OR3A2: variants seen among roughly 807,000 people sequenced by gnomAD.
OR3A2 encodes the protein olfactory receptor 3A2.
For synonymous variants in OR3A2, 126 were observed against 159.3 expected, an observed-to-expected ratio of 0.79 and a Z score of 1.57; for missense variants, 318 against 392.8, an observed-to-expected ratio of 0.81 and a Z score of 1.61.
upstream of OR3A2, among the ~76,000 whole-genome samples, chr17:3,286,913 C>G (rs938913320): frequency 1.1e-4 from 17 of 152,162 alleles, no homozygotes; most frequent in African/African-American, 4.1e-4. Flanking sequence ...TGCAGAAGCT[C>G]TTTCATTAGA....
chr17:3,377,021 T>A (rs2049690906), intron 2 of OR3A2, among the ~76,000 whole-genome samples: 1 of 152,250 alleles, frequency 6.6e-6, no homozygotes, highest in Non-Finnish European at 1.5e-5. Context: ...AGTGGGGATG[T>A]GGGTTTGGAG....
rs527582754 is a variant in OR3A2 at position 3,333,626 on chromosome 17, C to T, written c.-85+2407G>A. The stretch of plus-strand genomic sequence containing the variant: ...CTTTGTACTCTTTCTCTTTATTTCT[C>T]AGACTGGCCAACACTTAGGGAAAAT... On this transcript the variant is annotated intron_variant, in intron 3 of 4. Coordinates refer to the OR3A2 transcript ENST00000573491. Among the ~76,000 whole-genome samples, 4 of 152,202 alleles carry T rather than the reference C, an allele frequency of 2.6e-5. No individual in the cohort carries two copies. In the South Asian group the frequency reaches 8.3e-4, roughly 32 times the overall value.
intron 3 of OR3A2, among the ~76,000 whole-genome samples, chr17:3,323,411 T>A (rs2049142613): frequency 6.6e-6 from 1 of 152,114 alleles, no homozygotes; most frequent in African/African-American, 2.4e-5. Context: ...TGATGTCAGC[T>A]GGCTATTTTG....
intron 2 of OR3A2, among the ~76,000 whole-genome samples, chr17:3,361,326 G>A (rs1390705304): frequency 1.3e-5 from 2 of 151,486 alleles, no homozygotes; most frequent in Non-Finnish European, 2.9e-5. Flanking sequence ...TGACATGATG[G>A]GGTTTTCTAG....
At chr17:3,301,191 C>A (rs1051105530) in intron 3 of OR3A2, among the ~76,000 whole-genome samples, 5 of 152,064 alleles carry the variant, frequency 3.3e-5, no homozygotes, top group African/African-American at 1.2e-4. Flanking sequence ...ATTTATAATC[C>A]TTTGGGTATA....
intron 3 of OR3A2, among the ~76,000 whole-genome samples, chr17:3,333,889 A>T (rs1016720373): frequency 6.6e-6 from 1 of 152,206 alleles, no homozygotes; most frequent in African/African-American, 2.4e-5. Context: ...GTCTACAAGG[A>T]ACTTAAACAA....
chr17:3,361,452 T>C (rs1355537211), intron 2 of OR3A2, among the ~76,000 whole-genome samples: 1 of 151,666 alleles, frequency 6.6e-6, no homozygotes, highest in Non-Finnish European at 1.5e-5. Flanking sequence ...CAACACTATG[T>C]TGAATAGGAG....
Position 3,322,792 on chromosome 17 carries a change from C to G in OR3A2, c.-85+13241G>C, listed in dbSNP as rs193117072. On this transcript the variant is annotated intron_variant, in intron 3 of 4. Coordinates refer to the OR3A2 transcript ENST00000573491. ...TTGCTGAGGAGTGCTTTACTTCCAA[C>G]TATGTGGTCAATTTTCGAATAGGTG... 3.3e-4 allele frequency among the ~76,000 whole-genome samples: 50 copies of G among 152,154 alleles called. No individual in the cohort carries two copies. The East Asian group carries it at 7.7e-3, about 23-fold the overall frequency.
intron 3 of OR3A2, among the ~76,000 whole-genome samples, chr17:3,322,691 T>A (rs907617291): frequency 1.3e-5 from 2 of 152,098 alleles, no homozygotes; most frequent in African/African-American, 2.4e-5. Context: ...TTTGAGTGAG[T>A]TTCTTAATTC....
intron 2 of OR3A2, among the ~76,000 whole-genome samples, chr17:3,372,841 A>AGGACAAGGAGAG (rs2049642964): frequency 1.0e-5 from 1 of 98,526 alleles, no homozygotes; most frequent in African/African-American, 4.1e-5. Flanking sequence ...AGGGAGGAGA[A>AGGACAAGGAGAG]GGAGAAGGAG....
At chr17:3,364,278 T>C (rs2049544561) in intron 2 of OR3A2, among the ~76,000 whole-genome samples, 1 of 152,268 alleles carries the variant, frequency 6.6e-6, no homozygotes. Context: ...TTGATACACG[T>C]ATACATTATG....
Position 3,372,032 on chromosome 17 carries a change from C to A in OR3A2, c.-179+11772G>T, listed in dbSNP as rs866536043. On this transcript the variant is annotated intron_variant, in intron 2 of 4. Coordinates refer to the OR3A2 transcript ENST00000573491. ...GGGGCTCCTCACTTCTCATACGGGG[C>A]GGCTGCCGGGCGGAGGGGCTCCTCA... Among the ~76,000 whole-genome samples, 28 of 102,790 alleles carry A rather than the reference C, an allele frequency of 2.7e-4. 1 individual carries two copies. The highest frequency in any genetic ancestry group is 5.8e-5 in the Non-Finnish European group (3 of 52,092). 67.4% of individuals were successfully genotyped at this position (102,790 alleles called of 152,430 possible). A position where few individuals can be genotyped will look rare whatever the true frequency, so the allele number is the denominator to read the frequency against.
chr17:3,381,315 A>G (rs957163224), intron 2 of OR3A2, among the ~76,000 whole-genome samples: 1 of 144,628 alleles, frequency 6.9e-6, no homozygotes, highest in Admixed American at 6.9e-5. Flanking sequence ...CCTCAAACAT[A>G]GGGTTTTTTT....
intron 2 of OR3A2, among the ~76,000 whole-genome samples, chr17:3,339,180 G>A (rs990832312): frequency 6.6e-6 from 1 of 152,086 alleles, no homozygotes; most frequent in Non-Finnish European, 1.5e-5. Context: ...GAGATGAAGG[G>A]GTTTTCTAAA....
chr17:3,319,629 G>C (rs542496826), intron 3 of OR3A2, among the ~76,000 whole-genome samples: 1 of 152,076 alleles, frequency 6.6e-6, no homozygotes, highest in South Asian at 2.1e-4. Context: ...TGAGGTGTTC[G>C]GTTTTCTGTT....
intron 2 of OR3A2, among the ~76,000 whole-genome samples, chr17:3,370,936 G>A (rs974420458): frequency 3.9e-5 from 6 of 152,188 alleles, no homozygotes; most frequent in African/African-American, 1.4e-4. Context: ...AGAGCACAGG[G>A]TTGGGGGTAG....
chr17:3,318,120 G>A (rs1257439552), intron 3 of OR3A2, among the ~76,000 whole-genome samples: 2 of 152,136 alleles, frequency 1.3e-5, no homozygotes, highest in Admixed American at 6.6e-5. Context: ...AGACAGCCAG[G>A]GCTAGGATTG....
chr17:3,382,871 T>C (rs958319198), intron 2 of OR3A2, among the ~76,000 whole-genome samples: 2 of 152,188 alleles, frequency 1.3e-5, no homozygotes, highest in Non-Finnish European at 2.9e-5. Context: ...GCTTATTACA[T>C]TGTGCCTAGC....
chr17:3,381,906 G>A (rs920084043), intron 2 of OR3A2, among the ~76,000 whole-genome samples: 2 of 152,164 alleles, frequency 1.3e-5, no homozygotes, highest in African/African-American at 4.8e-5. Flanking sequence ...TTTGTCTTCA[G>A]AAGGCTCATC....
Sources: gnomAD v4.1 joint callset for allele counts (sites outside exome capture counted in the v4.1 genomes callset) on GRCh38, gnomAD v4.1.1 for gene constraint, MANE v1.5 for transcripts, NCBI Gene and HGNC (gene_info 2026-07-23, HGNC 2026-07-21) for gene names.